APBA1: variants seen among roughly 807,000 people sequenced by gnomAD.
The protein encoded by APBA1 is amyloid beta precursor protein binding family A member 1, also known as amyloid-beta A4 precursor protein-binding family A member 1.
Under a neutral mutation model 86.6 loss-of-function variants are expected in APBA1, and 55 were observed. The ratio of observed to expected loss-of-function variants is 0.64; its 90% CI spans 0.51 to 0.80. APBA1 has a LOEUF of 0.80. APBA1 is among the 30% of genes least tolerant of loss of function. The pLI, the probability that APBA1 is intolerant of heterozygous loss-of-function variation, is 0.00. For synonymous variants in APBA1, 511 were observed against 493.9 expected, an observed-to-expected ratio of 1.03 and a Z score of -0.46; for missense variants, 1,090 against 1,183.0, an observed-to-expected ratio of 0.92 and a Z score of 1.15.
chr9:69,514,231 G>A (rs1004595994), intron 2 of APBA1, among the ~76,000 whole-genome samples: 1 of 152,136 alleles, frequency 6.6e-6, no homozygotes, highest in African/African-American at 2.4e-5. Context: ...AAGTGGGAAG[G>A]ATACCCTGAT....
At chr9:69,448,510 A>C (rs1443336491) in intron 10 of APBA1, among the ~76,000 whole-genome samples, 2 of 152,226 alleles carry the variant, frequency 1.3e-5, no homozygotes, top group Non-Finnish European at 2.9e-5. Context: ...TCTTATGTGA[A>C]ATTAGAATTT....
chr9:69,450,179 A>G (rs1346174245), intron 9 of APBA1, among the ~76,000 whole-genome samples: 2 of 150,926 alleles, frequency 1.3e-5, no homozygotes, highest in Non-Finnish European at 2.9e-5. Context: ...TTCCATGCGC[A>G]GGTTCCCCCT....
intron 1 of APBA1, among the ~76,000 whole-genome samples, chr9:69,530,959 T>A (rs1016762685): frequency 6.6e-6 from 1 of 152,242 alleles, no homozygotes; most frequent in African/African-American, 2.4e-5. Context: ...AAATGTAATG[T>A]GAGTCACATA....
chr9:69,482,697 G>A (rs943508538), intron 2 of APBA1, among the ~76,000 whole-genome samples: 133 of 151,630 alleles, frequency 8.8e-4, no homozygotes, highest in Non-Finnish European at 1.6e-3. Flanking sequence ...GGCATTAGTC[G>A]CAATAGCAAA....
At chr9:69,659,078 C>A (rs1588416840) in intron 1 of APBA1, among the ~76,000 whole-genome samples, 1 of 152,190 alleles carries the variant, frequency 6.6e-6, no homozygotes, top group Non-Finnish European at 1.5e-5. Context: ...AGCACATATA[C>A]ACACAAACCC....
chr9:69,643,990 G>A (rs539927787), intron 1 of APBA1, among the ~76,000 whole-genome samples: 2 of 152,308 alleles, frequency 1.3e-5, no homozygotes, highest in East Asian at 3.9e-4. Flanking sequence ...ACAAATATAT[G>A]CAGGGCTTGT....
chr9:69,456,684 T>G (rs988475681), intron 7 of APBA1, among the ~76,000 whole-genome samples: 1 of 151,634 alleles, frequency 6.6e-6, no homozygotes, highest in African/African-American at 2.4e-5. Flanking sequence ...GAATCTCTTG[T>G]GGAGAAGTTT....
chr9:69,613,508 G>T (rs1822634943), intron 1 of APBA1, among the ~76,000 whole-genome samples: 1 of 152,068 alleles, frequency 6.6e-6, no homozygotes, highest in Non-Finnish European at 1.5e-5. Context: ...GAGATTTATA[G>T]GTTATACATC....
At chr9:69,573,697 C>T (rs1200274655) in intron 1 of APBA1, among the ~76,000 whole-genome samples, 1 of 152,208 alleles carries the variant, frequency 6.6e-6, no homozygotes, top group Non-Finnish European at 1.5e-5. Flanking sequence ...TTGCGAAGAG[C>T]TTCAGCAGTT....
rs1835098636 is a variant in APBA1 at position 69,456,417 on chromosome 9, G to A, written c.1618C>T (p.His540Tyr). The A allele has an allele frequency of 3.1e-6, 5 of 1,600,192 alleles. No homozygotes were observed. Among genetic ancestry groups the A allele is most frequent in the African/African-American group, 1.3e-5 (1 of 74,712 alleles). Residue 540 changes from histidine to tyrosine, a missense_variant, in exon 8 of 13, where the codon CAC becomes TAC. By Grantham distance (83) the His-to-Tyr change is moderately conservative. Around this residue, in one of 6 missense-constraint regions of APBA1, gnomAD observed 103 missense variants for 91.9 expected, o/e 1.12. Coordinates refer to ENST00000265381, the MANE Select transcript of APBA1 (RefSeq NM_001163.4). ...NADTQETMMD[H>Y]PLRTISYIAD... ...ATGTAGGAAATGGTCCTCAGAGGGT[G>A]GTCCATCATTGTCTCCTGGAGGCAG...
chr9:69,629,905 C>A (rs1002956859), intron 1 of APBA1, among the ~76,000 whole-genome samples: 3 of 152,122 alleles, frequency 2.0e-5, no homozygotes, highest in Non-Finnish European at 1.5e-5. Flanking sequence ...CTACTCCCGG[C>A]CACACAGTGT....
At chr9:69,434,724 A>G (rs907208205) in intron 11 of APBA1, among the ~76,000 whole-genome samples, 2 of 151,926 alleles carry the variant, frequency 1.3e-5, no homozygotes, top group Non-Finnish European at 2.9e-5. Context: ...AAAAAAAAAA[A>G]AAGGCCATGC....
intron 1 of APBA1, among the ~76,000 whole-genome samples, chr9:69,600,803 T>C (rs902088030): frequency 1.6e-5 from 2 of 124,010 alleles, no homozygotes; most frequent in African/African-American, 7.3e-5. Context: ...TCTCAAAAAA[T>C]AATAATAAAT....
At chr9:69,622,424 G>T (rs1822839121) in intron 1 of APBA1, among the ~76,000 whole-genome samples, 1 of 152,138 alleles carries the variant, frequency 6.6e-6, no homozygotes, top group Admixed American at 6.5e-5. Context: ...AGGTTTCATG[G>T]GTTCTTCCAT....
chr9:69,544,194 C>T (rs1460026037), intron 1 of APBA1, among the ~76,000 whole-genome samples: 1 of 152,120 alleles, frequency 6.6e-6, no homozygotes, highest in Non-Finnish European at 1.5e-5. Flanking sequence ...ATGTAAGGTA[C>T]CATTAAGGGA....
chr9:69,593,912 T>G (rs1456753870), intron 1 of APBA1, among the ~76,000 whole-genome samples: 2 of 152,260 alleles, frequency 1.3e-5, no homozygotes, highest in African/African-American at 4.8e-5. Flanking sequence ...TTTTGTGACC[T>G]TGATTACTCA....
chr9:69,450,011 T>TGTGAAAC (rs1375975461), intron 9 of APBA1, among the ~76,000 whole-genome samples: 1 of 151,544 alleles, frequency 6.6e-6, no homozygotes, highest in East Asian at 1.9e-4. Context: ...TTCACTCGTT[T>TGTGAAAC]CACATAAGCA....
Position 69,432,822 on chromosome 9 carries a change from T to C in APBA1, c.2302-146A>G. 6 of 811,216 alleles carry C rather than the reference T, an allele frequency of 7.4e-6. No individual in the cohort carries two copies. The East Asian group carries it at 2.0e-4, about 27-fold the overall frequency. 50.3% of individuals were successfully genotyped at this position (811,216 alleles called of 1,614,324 possible). A position where few individuals can be genotyped will look rare whatever the true frequency, so the allele number is the denominator to read the frequency against. ...CTTTGGGCATTTAACTCTCTTAGTGTCTTTTCACAAAAAAATAGGTGCCGT... is the reference window on the plus strand; with the variant it reads ...CTTTGGGCATTTAACTCTCTTAGTGCCTTTTCACAAAAAAATAGGTGCCGT... On this transcript the variant is annotated intron_variant, in intron 11 of 12. Coordinates refer to ENST00000265381, the MANE Select transcript of APBA1 (RefSeq NM_001163.4).
At chr9:69,663,372 C>A (rs1823787867) in intron 1 of APBA1, among the ~76,000 whole-genome samples, 1 of 152,210 alleles carries the variant, frequency 6.6e-6, no homozygotes, top group Admixed American at 6.5e-5. Context: ...CAGAATGCAA[C>A]CCACTTTAGT....
Sources: allele counts gnomAD v4.1 joint callset (sites outside exome capture counted in the v4.1 genomes callset), GRCh38; gene constraint gnomAD v4.1.1; regional missense constraint gnomAD v4.1.1; transcripts MANE v1.5; gene names NCBI Gene and HGNC (gene_info 2026-07-23, HGNC 2026-07-21).